The following EPHX2 variants were observed in gnomAD, a reference collection of about 807,000 sequenced individuals.
EPHX2 encodes epoxide hydrolase 2, also known as bifunctional epoxide hydrolase 2.
EPHX2 carries 74 observed loss-of-function variants against 78.7 expected under a neutral mutation model. The ratio of observed to expected loss-of-function variants is 0.94; its 90% confidence interval spans 0.78 to 1.14. The LOEUF is 1.14. EPHX2 is among the 50% of genes most tolerant of loss of function. The probability of loss-of-function intolerance (pLI) is 0.00; values close to 1 mark genes in which losing one functional copy is unlikely to be tolerated. For missense variants in EPHX2, 715 were observed against 702.5 expected, an observed-to-expected ratio of 1.02 and a Z score of -0.20; for synonymous variants, 251 against 255.2, an observed-to-expected ratio of 0.98 and a Z score of 0.16.
intron 6 of EPHX2, chr8:27,515,380 C>T (rs558588337): frequency 7.2e-5 from 22 of 305,204 alleles, no homozygotes; most frequent in African/African-American, 4.5e-4. Flanking sequence ...GTTTAATATA[C>T]TGAAAACACA....
At chr8:27,494,720 A>G (rs1192267853) in intron 1 of EPHX2, among the ~76,000 whole-genome samples, 2 of 152,184 alleles carry the variant, frequency 1.3e-5, no homozygotes, top group Non-Finnish European at 2.9e-5. Flanking sequence ...GGTCTGAAGG[A>G]GATTTGGCCC....
intron 12 of EPHX2, among the ~76,000 whole-genome samples, chr8:27,526,102 C>G (rs759986637): frequency 2.0e-5 from 3 of 152,182 alleles, no homozygotes; most frequent in Non-Finnish European, 4.4e-5. Flanking sequence ...AAGATGTTTC[C>G]TGCACACTCC....
downstream of EPHX2, among the ~76,000 whole-genome samples, chr8:27,548,094 A>G (rs1443932803): frequency 6.6e-6 from 1 of 152,184 alleles, no homozygotes; most frequent in Non-Finnish European, 1.5e-5. Context: ...TATTCTGTCA[A>G]GGAAGGACCA....
At chr8:27,548,211 G>C (rs192676970), downstream of EPHX2, among the ~76,000 whole-genome samples, 1 of 152,300 alleles carries the variant, frequency 6.6e-6, no homozygotes, top group Non-Finnish European at 1.5e-5. Context: ...GTCTGTCTTG[G>C]GGTATAGGGA....
chr8:27,531,553 A>G (rs1388136604), intron 12 of EPHX2, among the ~76,000 whole-genome samples: 1 of 152,134 alleles, frequency 6.6e-6, no homozygotes, highest in Non-Finnish European at 1.5e-5. Flanking sequence ...AATTGGAGTC[A>G]TTTTTGTCAA....
intron 5 of EPHX2, among the ~76,000 whole-genome samples, chr8:27,507,964 C>T (rs965948848): frequency 6.6e-6 from 1 of 152,120 alleles, no homozygotes; most frequent in East Asian, 1.9e-4. Context: ...CCTTAGTTAC[C>T]TCTGTAAAGG....
intron 12 of EPHX2, among the ~76,000 whole-genome samples, chr8:27,533,029 C>T (rs1257815254): frequency 6.6e-6 from 1 of 152,092 alleles, no homozygotes; most frequent in Non-Finnish European, 1.5e-5. Context: ...GCGAGAGCAT[C>T]ACTTGAGTCC....
At chr8:27,518,251 G>A (rs1413281174) in intron 9 of EPHX2, among the ~76,000 whole-genome samples, 179 bp downstream of exon 9, 1 of 152,172 alleles carries the variant, frequency 6.6e-6, no homozygotes, top group Non-Finnish European at 1.5e-5. Flanking sequence ...AGCATCGACT[G>A]TGTGTCAGGT....
rs72477602 is a variant in EPHX2 at position 27,541,957 on chromosome 8, C to A, written c.1449+415C>A. 4.4e-3 allele frequency among the ~76,000 whole-genome samples: 664 copies of A among 152,130 alleles called. 8 individuals carry two copies. The highest frequency in any genetic ancestry group is 0.015 in the African/African-American group (631 of 41,500). ...TAGCCTTCGGTTGTGTCACCTTGCACAAGTCAATCTCTGAGTCTCAGTTTC... is the reference window on the plus strand; with the variant it reads ...TAGCCTTCGGTTGTGTCACCTTGCAAAAGTCAATCTCTGAGTCTCAGTTTC... On this transcript the variant is annotated intron_variant, in intron 16 of 18. Coordinates refer to ENST00000521400, the MANE Select transcript of EPHX2 (RefSeq NM_001979.6).
intron 1 of EPHX2, among the ~76,000 whole-genome samples, chr8:27,492,682 G>T (rs1362127551): frequency 1.3e-5 from 2 of 152,086 alleles, no homozygotes; most frequent in Non-Finnish European, 2.9e-5. Flanking sequence ...TTCCCTTATT[G>T]TCCTCTCCCA....
chr8:27,537,900 A>G (rs1169766323), intron 13 of EPHX2, among the ~76,000 whole-genome samples: 1 of 152,118 alleles, frequency 6.6e-6, no homozygotes, highest in Non-Finnish European at 1.5e-5. Context: ...TTATAAGCTC[A>G]TCTTCAGCAG....
chr8:27,548,543 C>G (rs1443378276), downstream of EPHX2, among the ~76,000 whole-genome samples: 3 of 152,186 alleles, frequency 2.0e-5, no homozygotes, highest in Non-Finnish European at 4.4e-5. Flanking sequence ...GTAATTCGTC[C>G]TGAAACCCAA....
intron 1 of EPHX2, among the ~76,000 whole-genome samples, chr8:27,494,819 G>T (rs1298580401): frequency 6.6e-6 from 1 of 152,228 alleles, no homozygotes; most frequent in South Asian, 2.1e-4. Flanking sequence ...CCACTGGCTG[G>T]CTTCGGGCAT....
intron 1 of EPHX2, among the ~76,000 whole-genome samples, chr8:27,498,639 T>C (rs189862324): frequency 5.9e-5 from 9 of 152,332 alleles, no homozygotes; most frequent in African/African-American, 2.2e-4. Context: ...GCATCATATT[T>C]TTCCACTTTT....
In EPHX2 at chr8:27,541,473, A is replaced by G. The variant is rs774148713; in HGVS notation, c.1380A>G (p.Arg460=). ...TTTTTACTTTCTGATCTCTCCCCAG[A>G]GGTCCTCTAAACTGGTACCGAAACA... ...YVQQFKKSGF[R]GPLNWYRNME... Residue 460 remains arginine (R), a splice_region_variant and synonymous_variant, in exon 16 of 19, where the codon AGA becomes AGG. Transcript: ENST00000521400. 2 of 1,614,224 alleles carry G rather than the reference A, an allele frequency of 1.2e-6. No homozygotes were observed. Among genetic ancestry groups the G allele is most frequent in the South Asian group, 2.2e-5 (2 of 91,086 alleles).
chr8:27,531,690 G>A (rs1815047231), intron 12 of EPHX2, among the ~76,000 whole-genome samples: 1 of 152,154 alleles, frequency 6.6e-6, no homozygotes, highest in Admixed American at 6.5e-5. Context: ...GGGGCTTCGT[G>A]GACCTGCAAT....
chr8:27,518,001 C>T (rs1370233533), intron 8 of EPHX2, 37 bp from the exon 9 acceptor site: 21 of 1,515,140 alleles, frequency 1.4e-5, no homozygotes, highest in African/African-American at 8.4e-5. Flanking sequence ...TTTTAAGTAA[C>T]GTGAATTAAA....
At position 27,511,827 on chromosome 8, in the gene EPHX2, T is replaced by G; in HGVS notation, c.661-9T>G. 1 of 1,614,088 alleles carries G rather than the reference T, an allele frequency of 6.2e-7. No individual in the cohort carries two copies. The highest frequency in any genetic ancestry group is 8.5e-7 in the Non-Finnish European group (1 of 1,179,928). The stretch of plus-strand genomic sequence containing the variant: ...GCTGTCTCTCTCACTATACCTTTCC[T>G]GCTTACAGCTTCTCAATACCCCGGC... On this transcript the variant is annotated splice_polypyrimidine_tract_variant and intron_variant, in intron 5 of 18. Transcript: ENST00000521400.
intron 11 of EPHX2, among the ~76,000 whole-genome samples, chr8:27,525,115 C>CGCGT (rs1814793804): frequency 6.7e-6 from 1 of 149,270 alleles, no homozygotes; most frequent in African/African-American, 2.5e-5. Context: ...TGTGCGCGCG[C>CGCGT]GCGCGCGCAC....
Sources: gnomAD v4.1 joint callset for allele counts (sites outside exome capture counted in the v4.1 genomes callset) on GRCh38, gnomAD v4.1.1 for gene constraint, MANE v1.5 for transcripts, NCBI Gene and HGNC (gene_info 2026-07-23, HGNC 2026-07-21) for gene names.